The following SCFD2 variants were observed in gnomAD, a reference collection of about 807,000 sequenced individuals.
The protein encoded by SCFD2 is sec1 family domain-containing protein 2.
Under a neutral mutation model 58.9 loss-of-function variants are expected in SCFD2, and 54 were observed. That is an observed-to-expected ratio of 0.92 (90% CI 0.74 to 1.15). The LOEUF is 1.15. Among genes scored for constraint, SCFD2 ranks in the 50% most tolerant of loss-of-function variants. The probability of loss-of-function intolerance (pLI) is 0.00; values close to 1 mark genes in which losing one functional copy is unlikely to be tolerated. For missense variants in SCFD2, 805 were observed against 836.6 expected (o/e 0.96, Z 0.47); for synonymous variants, 321 against 335.9 (o/e 0.96, Z 0.49).
At chr4:52,944,170 C>G (rs1720361888) in intron 5 of SCFD2, among the ~76,000 whole-genome samples, 1 of 152,136 alleles carries the variant, frequency 6.6e-6, no homozygotes, top group East Asian at 1.9e-4. Context: ...TATGACCTCT[C>G]AATATTTATT....
At chr4:53,250,772 A>T (rs1328559133) in intron 4 of SCFD2, among the ~76,000 whole-genome samples, 1 of 152,246 alleles carries the variant, frequency 6.6e-6, no homozygotes. Flanking sequence ...TATAGCACTA[A>T]ATGCCCACAA....
rs1303449816 is a variant in SCFD2, at chr4:52,873,101, C to G, written c.*868G>C. On this transcript the variant is annotated 3_prime_UTR_variant, in exon 9 of 9. Transcript: ENST00000401642. ...GCCCTGGAGTTCTTACAAAGTTTCA[C>G]TAGGTGGGTCTAGGTTTTTCTGCTA... 1 of 152,202 alleles carries G rather than the reference C, an allele frequency of 6.6e-6. No individual in the cohort carries two copies. The highest frequency in any genetic ancestry group is 1.5e-5 in the Non-Finnish European group (1 of 68,038). The allele number at this position is 152,202 out of a possible 1,614,324, so 9.4% of individuals were successfully genotyped here.
At chr4:53,281,857 A>G (rs1731519910) in intron 3 of SCFD2, among the ~76,000 whole-genome samples, 1 of 151,980 alleles carries the variant, frequency 6.6e-6, no homozygotes, top group Non-Finnish European at 1.5e-5. Flanking sequence ...CCTTCTCTTT[A>G]TTTCTTCTTT....
At chr4:52,921,501 TA>T (rs143998693) in intron 5 of SCFD2, among the ~76,000 whole-genome samples, 37 of 151,018 alleles carry the variant, frequency 2.5e-4, no homozygotes, top group East Asian at 9.7e-4. Flanking sequence ...ATGGATAAGT[TA>T]AAAAAAAATA....
chr4:53,272,425 A>G lies in SCFD2; in HGVS notation c.1311+1401T>C, dbSNP rs572187098. 2.6e-5 allele frequency among the ~76,000 whole-genome samples: 4 copies of G among 152,318 alleles called. No individual in the cohort carries two copies. The South Asian group carries it at 8.3e-4, about 32-fold the overall frequency. On this transcript the variant is annotated intron_variant, in intron 4 of 8. Transcript: ENST00000401642. ...ACGTATGTTTATTGCAGCACTATTC[A>G]CAATAGCAAAGACTTGGAACCAACC...
chr4:52,875,305 G>A (rs1718444713), intron 8 of SCFD2, among the ~76,000 whole-genome samples: 1 of 152,114 alleles, frequency 6.6e-6, no homozygotes, highest in South Asian at 2.1e-4. Flanking sequence ...CTCTGCAAAG[G>A]TGGGAGAGCC....
At chr4:53,320,922 T>A (rs1326751305) in intron 2 of SCFD2, among the ~76,000 whole-genome samples, 4 of 152,212 alleles carry the variant, frequency 2.6e-5, no homozygotes, top group African/African-American at 9.6e-5. Flanking sequence ...GCTACCAGAA[T>A]ACAATTTAAT....
In SCFD2 at chr4:53,338,575, C is replaced by CTTTTTTTTTTTTTTTTTTTTTTT. The variant is rs56263068; in HGVS notation, c.1007+14022_1007+14023insAAAAAAAAAAAAAAAAAAAAAAA. On this transcript the variant is annotated intron_variant, in intron 2 of 8. Coordinates refer to ENST00000401642, the MANE Select transcript of SCFD2 (RefSeq NM_152540.4). ...GGCCAAAAGAAAGCAGTATATTTTT[C>CTTTTTTTTTTTTTTTTTTTTTTT]TTTTTTTTTTTTTTTTTTTTTGTGA... Among the ~76,000 whole-genome samples, 77 of 72,310 alleles carry CTTTTTTTTTTTTTTTTTTTTTTT rather than the reference C, an allele frequency of 1.1e-3. 19 individuals carry two copies. Among genetic ancestry groups the CTTTTTTTTTTTTTTTTTTTTTTT allele is most frequent in the East Asian group, 1.6e-3 (3 of 1,882 alleles). 47.4% of individuals were successfully genotyped at this position (72,310 alleles called of 152,430 possible).
chr4:53,007,269 A>T (rs1377368946), intron 5 of SCFD2, among the ~76,000 whole-genome samples: 1 of 137,486 alleles, frequency 7.3e-6, no homozygotes, highest in East Asian at 2.3e-4. Flanking sequence ...ACAGAGTAAG[A>T]CCTTGTTGAG....
At chr4:53,146,213 C>T (rs940803999) in intron 4 of SCFD2, among the ~76,000 whole-genome samples, 2 of 152,114 alleles carry the variant, frequency 1.3e-5, no homozygotes, top group African/African-American at 4.8e-5. Context: ...TTATATCTTC[C>T]ACAACTTCTC....
chr4:53,038,050 G>A (rs982142664), intron 5 of SCFD2, among the ~76,000 whole-genome samples: 1 of 152,076 alleles, frequency 6.6e-6, no homozygotes, highest in East Asian at 1.9e-4. Flanking sequence ...TGGTGCTCTG[G>A]ATCCTTCTAA....
chr4:52,940,924 C>T (rs1172987888), intron 5 of SCFD2, among the ~76,000 whole-genome samples: 2 of 152,180 alleles, frequency 1.3e-5, no homozygotes, highest in African/African-American at 4.8e-5. Flanking sequence ...AAATGCCCTT[C>T]TGATCCTGTG....
rs60845703 is a variant in SCFD2 at position 52,890,852 on chromosome 4, A to C, written c.1843-4986T>G. On this transcript the variant is annotated intron_variant, in intron 7 of 8. Coordinates refer to ENST00000401642, the MANE Select transcript of SCFD2 (RefSeq NM_152540.4). ...ATTGTCGTCTATCACTGGGGTTGTC[A>C]AAAGAAGGGTTTCTGCTGCTGCTTC... 7.8e-3 allele frequency among the ~76,000 whole-genome samples: 1,186 copies of C among 152,198 alleles called. 19 individuals carry two copies. Among genetic ancestry groups the C allele is most frequent in the African/African-American group, 0.027 (1,127 of 41,506 alleles).
At chr4:53,069,801 T>C (rs1336616482) in intron 5 of SCFD2, among the ~76,000 whole-genome samples, 1 of 152,068 alleles carries the variant, frequency 6.6e-6, no homozygotes, top group Admixed American at 6.6e-5. Context: ...AACTGGTGTG[T>C]ATTGTTAGAG....
chr4:53,330,794 G>C, intron 2 of SCFD2, among the ~76,000 whole-genome samples: 1 of 152,092 alleles, frequency 6.6e-6, no homozygotes, highest in South Asian at 2.1e-4. Context: ...AAAAGACACA[G>C]ACTGGCAAAT....
chr4:53,310,698 A>C (rs1308416431), intron 3 of SCFD2, among the ~76,000 whole-genome samples: 2 of 152,158 alleles, frequency 1.3e-5, no homozygotes, highest in Non-Finnish European at 2.9e-5. Flanking sequence ...AATAAAATGA[A>C]TTTTTCTCTG....
intron 4 of SCFD2, among the ~76,000 whole-genome samples, chr4:53,151,629 G>T (rs773976990): frequency 5.9e-5 from 9 of 152,166 alleles, no homozygotes; most frequent in Non-Finnish European, 1.0e-4. Flanking sequence ...GCCCTTCTAT[G>T]GTGCACAGCC....
At chr4:53,194,953 AC>A (rs1728017485) in intron 4 of SCFD2, among the ~76,000 whole-genome samples, 1 of 152,208 alleles carries the variant, frequency 6.6e-6, no homozygotes, top group African/African-American at 2.4e-5. Flanking sequence ...TTTGAACTGG[AC>A]AGATTGGACA....
chr4:53,348,522 A>C (rs772471767), intron 2 of SCFD2, among the ~76,000 whole-genome samples: 10 of 152,178 alleles, frequency 6.6e-5, no homozygotes, highest in Non-Finnish European at 1.3e-4. Context: ...TCAGTCTTCC[A>C]AGCAATTGAA....
Sources: gnomAD v4.1 joint callset for allele counts (sites outside exome capture counted in the v4.1 genomes callset) on GRCh38, gnomAD v4.1.1 for gene constraint, MANE v1.5 for transcripts, NCBI Gene and HGNC (gene_info 2026-07-23, HGNC 2026-07-21) for gene names.